The following DEFB125 variants were observed in gnomAD, a reference collection of about 807,000 sequenced individuals.
The protein encoded by DEFB125 is defensin beta 125.
Under a neutral mutation model 11.8 loss-of-function variants are expected in DEFB125, and 11 were observed. The observed-to-expected ratio is 0.94, with a 90% CI of 0.59 to 1.55. DEFB125 has a LOEUF of 1.55. Ranked by LOEUF, DEFB125 falls within the 40% of genes most tolerant of loss-of-function variation. The pLI, the probability that DEFB125 is intolerant of heterozygous loss-of-function variation, is 0.00. For missense variants in DEFB125, 198 were observed against 191.2 expected, an observed-to-expected ratio of 1.04 and a Z score of -0.21; for synonymous variants, 79 against 66.7, an observed-to-expected ratio of 1.18 and a Z score of -0.90.
chr20:94,706 T>A (rs377239667), intron 1 of DEFB125, among the ~76,000 whole-genome samples: 57 of 152,240 alleles, frequency 3.7e-4, no homozygotes, highest in African/African-American at 1.3e-3. Context: ...ATGCTGGAAC[T>A]TTTTCCTCCT....
At chr20:94,729 T>C (rs2054508648) in intron 1 of DEFB125, among the ~76,000 whole-genome samples, 1 of 152,158 alleles carries the variant, frequency 6.6e-6, no homozygotes, top group Non-Finnish European at 1.5e-5. Context: ...CTAGGTGTAA[T>C]TTTCTATCTG....
rs1379059594 is a variant in DEFB125 at position 96,178 on chromosome 20, A to G, written c.232A>G (p.Ile78Val). 1.1e-5 allele frequency: 18 copies of G among 1,614,218 alleles called. No individual in the cohort carries two copies. Among genetic ancestry groups the G allele is most frequent in the Admixed American group, 1.7e-5 (1 of 60,028 alleles). The stretch of plus-strand genomic sequence containing the variant: ...ATTTCCTGTGATTCACCTAGAGGAT[A>G]TAACATTGGATTATAGTGATGTGGA... ...PAFPVIHLED[I>V]TLDYSDVDSF... The change falls in exon 2 of 2, where the codon ATA becomes GTA. Residue 78 changes from isoleucine (I) to valine (V), a missense_variant. Coordinates refer to ENST00000382410, the MANE Select transcript of DEFB125 (RefSeq NM_153325.4).
At position 96,573 on chromosome 20, in the gene DEFB125, G is replaced by C; in HGVS notation, c.*156G>C. 1.2e-6 allele frequency: 1 copy of C among 834,912 alleles called. No homozygotes were observed. Among genetic ancestry groups the C allele is most frequent in the South Asian group, 1.9e-5 (1 of 53,558 alleles). 51.7% of individuals were successfully genotyped at this position (834,912 alleles called of 1,614,324 possible). A position where few individuals can be genotyped will look rare whatever the true frequency, so the allele number is the denominator to read the frequency against. ...TTGCTACTACCAACACAACAGCCAA[G>C]AGAGTTGCCTTACAATTAGAAATGT... On this transcript the variant is annotated 3_prime_UTR_variant, in exon 2 of 2. Coordinates refer to ENST00000382410, the MANE Select transcript of DEFB125 (RefSeq NM_153325.4).
intron 1 of DEFB125, among the ~76,000 whole-genome samples, chr20:93,925 C>T (rs1042801944): frequency 1.3e-5 from 2 of 151,778 alleles, no homozygotes; most frequent in African/African-American, 4.8e-5. Flanking sequence ...TGTGGTAATT[C>T]CCTTATTTGC....
rs1448551695 is a variant in DEFB125, at chr20:96,991, AT to A, written c.*576del. The A allele has an allele frequency of 3.9e-5, 6 of 152,858 alleles. No individual in the cohort carries two copies. Among genetic ancestry groups the A allele is most frequent in the African/African-American group, 1.4e-4 (6 of 41,472 alleles). The allele number at this position is 152,858 out of a possible 1,614,324, so 9.5% of individuals were successfully genotyped here. On this transcript the variant is annotated 3_prime_UTR_variant, in exon 2 of 2. Transcript: ENST00000382410. Reference sequence around the variant, plus strand: ...TGGTAACTAACAGAGTCAGAAGCTAATTCTTTCATTCAACACAAGCACTGAT... The same window carrying A: ...TGGTAACTAACAGAGTCAGAAGCTAATCTTTCATTCAACACAAGCACTGAT...
Position 96,356 on chromosome 20 carries a change from C to A in DEFB125, c.410C>A (p.Ser137Tyr), listed in dbSNP as rs1168154372. The change falls in exon 2 of 2, where the codon TCT becomes TAT. Residue 137 changes from serine to tyrosine, a missense_variant. Ser to Tyr is a moderately radical substitution (Grantham distance 144). Coordinates refer to ENST00000382410, the MANE Select transcript of DEFB125 (RefSeq NM_153325.4). The part of the protein sequence containing the change: ...ATTPETTMPP[S>Y]ETATSETMPP... The stretch of plus-strand genomic sequence containing the variant: ...ACTCCCGAGACTACTATGCCACCAT[C>A]TGAGACTGCTACTTCCGAGACTATG... 2 of 1,613,308 alleles carry A rather than the reference C, an allele frequency of 1.2e-6. No homozygotes were observed. Among genetic ancestry groups the A allele is most frequent in the Admixed American group, 1.7e-5 (1 of 60,002 alleles).
At chr20:95,741 G>A (rs2054512196) in intron 1 of DEFB125, among the ~76,000 whole-genome samples, 1 of 151,708 alleles carries the variant, frequency 6.6e-6, no homozygotes, top group Non-Finnish European at 1.5e-5. Flanking sequence ...TTTCTTTCTA[G>A]GTTTCGTATC....
chr20:90,882 T>TC (rs2054493761), intron 1 of DEFB125, among the ~76,000 whole-genome samples: 1 of 152,210 alleles, frequency 6.6e-6, no homozygotes, highest in African/African-American at 2.4e-5. Context: ...TCAAGCTGTT[T>TC]AATCATCACC....
At chr20:90,197 C>G (rs145655087) in intron 1 of DEFB125, among the ~76,000 whole-genome samples, 2 of 152,044 alleles carry the variant, frequency 1.3e-5, no homozygotes, top group Non-Finnish European at 1.5e-5. Flanking sequence ...TTTCGAGATA[C>G]TGGTGATGAA....
At chr20:94,509 T>G (rs1245898097) in intron 1 of DEFB125, among the ~76,000 whole-genome samples, 1 of 152,086 alleles carries the variant, frequency 6.6e-6, no homozygotes, top group Admixed American at 6.6e-5. Context: ...ATCCCTCACA[T>G]GCACAGTTCA....
At chr20:91,705 A>C (rs532497575) in intron 1 of DEFB125, among the ~76,000 whole-genome samples, 2 of 152,346 alleles carry the variant, frequency 1.3e-5, no homozygotes, top group Non-Finnish European at 2.9e-5. Context: ...AACAATTTTG[A>C]AGAATAATTG....
At chr20:94,681 G>A (rs2122978865) in intron 1 of DEFB125, among the ~76,000 whole-genome samples, 1 of 152,264 alleles carries the variant, frequency 6.6e-6, no homozygotes, top group East Asian at 1.9e-4. Context: ...AGGGGTTGGG[G>A]ACCCCTGCTA....
In DEFB125 at chr20:96,675, C is replaced by T. The variant is rs535006839; in HGVS notation, c.*258C>T. 2.5e-6 allele frequency: 1 copy of T among 407,616 alleles called. No homozygotes were observed. Among genetic ancestry groups the T allele is most frequent in the South Asian group, 6.5e-5 (1 of 15,494 alleles). The allele number at this position is 407,616 out of a possible 1,614,324, so 25.2% of individuals were successfully genotyped here. ...TCTTTATCTGTCTTCCTCCGATGTA[C>T]TCAAATATATGAGCTAATTTTTGTC... On this transcript the variant is annotated 3_prime_UTR_variant, in exon 2 of 2. Coordinates refer to ENST00000382410, the MANE Select transcript of DEFB125 (RefSeq NM_153325.4).
At chr20:91,042 A>G (rs2054494329) in intron 1 of DEFB125, among the ~76,000 whole-genome samples, 1 of 152,112 alleles carries the variant, frequency 6.6e-6, no homozygotes, top group Non-Finnish European at 1.5e-5. Flanking sequence ...AAAAATTACC[A>G]TCCTTACCAT....
chr20:91,315 A>G (rs949295166), intron 1 of DEFB125, among the ~76,000 whole-genome samples: 3 of 151,980 alleles, frequency 2.0e-5, no homozygotes, highest in African/African-American at 7.2e-5. Context: ...TTTTAGTTTG[A>G]TGTAATCCTA....
At position 97,038 on chromosome 20, in the gene DEFB125, G is replaced by A. The variant is rs955346812; in HGVS notation, c.*621G>A. ...CTGATCTAACTGGATAGAGATAAAAGTGGGACTTGCCTTGAGAGTACATCA... is the reference window on the plus strand; with the variant it reads ...CTGATCTAACTGGATAGAGATAAAAATGGGACTTGCCTTGAGAGTACATCA... On this transcript the variant is annotated 3_prime_UTR_variant, in exon 2 of 2. Coordinates refer to ENST00000382410, the MANE Select transcript of DEFB125 (RefSeq NM_153325.4). The A allele has an allele frequency of 8.5e-5, 13 of 152,252 alleles. No individual in the cohort carries two copies. Among genetic ancestry groups the A allele is most frequent in the African/African-American group, 2.9e-4 (12 of 41,452 alleles). 9.4% of individuals were successfully genotyped at this position (152,252 alleles called of 1,614,324 possible).
Position 96,350 on chromosome 20 carries a change from C to T in DEFB125, c.404C>T (p.Pro135Leu), listed in dbSNP as rs1423844628. ...SEATTPETTM[P>L]PSETATSETM... ...GCCACTACTCCCGAGACTACTATGC[C>T]ACCATCTGAGACTGCTACTTCCGAG... The change falls in exon 2 of 2, where the codon CCA becomes CTA. Residue 135 changes from proline to leucine, a missense_variant. By Grantham distance (98) the Pro-to-Leu change is moderately conservative. Transcript: ENST00000382410. 6 of 1,613,234 alleles carry T rather than the reference C, an allele frequency of 3.7e-6. No homozygotes were observed. Among genetic ancestry groups the T allele is most frequent in the Non-Finnish European group, 5.1e-6 (6 of 1,179,266 alleles).
At chr20:95,601 A>G (rs1329591405) in intron 1 of DEFB125, among the ~76,000 whole-genome samples, 1 of 152,162 alleles carries the variant, frequency 6.6e-6, no homozygotes, top group Non-Finnish European at 1.5e-5. Context: ...TCATAGAATA[A>G]GTTAAAGCGG....
Position 96,130 on chromosome 20 carries a change from C to T in DEFB125, c.184C>T (p.His62Tyr), listed in dbSNP as rs41276376. 1.7e-3 allele frequency: 2,719 copies of T among 1,614,180 alleles called. 3 individuals are homozygous for T. Among genetic ancestry groups the T allele is most frequent in the Non-Finnish European group, 2.0e-3 (2,414 of 1,180,036 alleles). ...ATCATGCTGCATTTCTATAATATCACATGAATATACTCGACGACCAGCATT... is the reference window on the plus strand; with the variant it reads ...ATCATGCTGCATTTCTATAATATCATATGAATATACTCGACGACCAGCATT... ...KLSCCISIIS[H>Y]EYTRRPAFPV... The change falls in exon 2 of 2, where the codon CAT becomes TAT. Residue 62 changes from histidine (H) to tyrosine (Y), a missense_variant. Physicochemically the swap from His to Tyr is moderately conservative, Grantham distance 83. Coordinates refer to ENST00000382410, the MANE Select transcript of DEFB125 (RefSeq NM_153325.4).
Sources: allele counts gnomAD v4.1 joint callset (sites outside exome capture counted in the v4.1 genomes callset), GRCh38; gene constraint gnomAD v4.1.1; transcripts MANE v1.5; gene names NCBI Gene and HGNC (gene_info 2026-07-23, HGNC 2026-07-21).